The following IMMP2L variants were observed in gnomAD, a reference collection of about 807,000 sequenced individuals.
IMMP2L encodes the protein inner mitochondrial membrane peptidase subunit 2, also known as mitochondrial inner membrane protease subunit 2.
Under a neutral mutation model 19.3 loss-of-function variants are expected in IMMP2L, and 18 were observed. That is an observed-to-expected ratio of 0.93 (90% confidence interval 0.64 to 1.38). The LOEUF (loss-of-function observed/expected upper bound fraction) is 1.38, where lower values mean the gene tolerates loss of function less well. Ranked by LOEUF, IMMP2L falls within the 40% of genes most tolerant of loss-of-function variation. IMMP2L has a pLI of 0.00. For synonymous variants in IMMP2L, 76 were observed against 73.0 expected (o/e 1.04, Z -0.21); for missense variants, 233 against 218.2 (o/e 1.07, Z -0.43).
chr7:111,233,383 G>C (rs1343700239), intron 3 of IMMP2L, among the ~76,000 whole-genome samples: 1 of 151,914 alleles, frequency 6.6e-6, no homozygotes, highest in East Asian at 1.9e-4. Flanking sequence ...AATAATGTAA[G>C]GTTCAAAATA....
At chr7:110,819,358 C>T (rs561064884) in intron 5 of IMMP2L, among the ~76,000 whole-genome samples, 55 of 151,870 alleles carry the variant, frequency 3.6e-4, no homozygotes, top group Non-Finnish European at 6.0e-4. Context: ...CAAGCAGTTT[C>T]TATATGATAT....
chr7:110,847,479 G>T (rs1474792247), intron 5 of IMMP2L, among the ~76,000 whole-genome samples: 7 of 152,116 alleles, frequency 4.6e-5, no homozygotes, highest in Admixed American at 2.6e-4. Flanking sequence ...GCATTACTTT[G>T]TCTAGCTAAT....
intron 5 of IMMP2L, among the ~76,000 whole-genome samples, chr7:110,849,245 G>C (rs1051381208): frequency 6.6e-6 from 1 of 151,998 alleles, no homozygotes; most frequent in Non-Finnish European, 1.5e-5. Flanking sequence ...TAAAAATATA[G>C]TTTACTAATT....
In IMMP2L at chr7:110,938,292, C is replaced by T. The variant is rs115184131; in HGVS notation, c.305+25208G>A. 3.0e-3 allele frequency among the ~76,000 whole-genome samples: 462 copies of T among 152,128 alleles called. 1 individual carries two copies. The highest frequency in any genetic ancestry group is 0.01 in the African/African-American group (422 of 41,496). On this transcript the variant is annotated intron_variant, in intron 4 of 5. Coordinates refer to ENST00000405709, the MANE Select transcript of IMMP2L (RefSeq NM_032549.4). ...GGAGGGAGGGGTATCAAACAATGTC[C>T]GCAAATGCCTCCTGGCTGAGAAATT...
intron 5 of IMMP2L, among the ~76,000 whole-genome samples, chr7:110,715,286 G>A (rs984116664): frequency 4.6e-5 from 7 of 151,886 alleles, no homozygotes; most frequent in Non-Finnish European, 7.4e-5. Flanking sequence ...GCTGATTTTA[G>A]TTATTTCTTT....
At chr7:110,976,396 T>C (rs1189174952) in intron 3 of IMMP2L, among the ~76,000 whole-genome samples, 1 of 152,080 alleles carries the variant, frequency 6.6e-6, no homozygotes, top group Admixed American at 6.6e-5. Flanking sequence ...TCTTCAAGAC[T>C]CACCCATGTT....
chr7:110,968,662 G>C (rs892744860), intron 3 of IMMP2L, among the ~76,000 whole-genome samples: 1 of 152,072 alleles, frequency 6.6e-6, no homozygotes, highest in Non-Finnish European at 1.5e-5. Context: ...AACAGAGTGA[G>C]ACCTTGTCTC....
intron 5 of IMMP2L, among the ~76,000 whole-genome samples, chr7:110,809,153 G>C (rs1427156516): frequency 6.6e-6 from 1 of 151,962 alleles, no homozygotes; most frequent in Non-Finnish European, 1.5e-5. Context: ...GAGCCTGGTT[G>C]GTGGGCAGGC....
intron 3 of IMMP2L, among the ~76,000 whole-genome samples, chr7:111,190,606 C>T (rs1460760521): frequency 6.6e-6 from 1 of 151,980 alleles, no homozygotes; most frequent in Non-Finnish European, 1.5e-5. Flanking sequence ...ACACTTAGGT[C>T]GAAATCCATT....
intron 3 of IMMP2L, among the ~76,000 whole-genome samples, chr7:111,325,339 A>G (rs772665485): frequency 7.3e-5 from 11 of 151,692 alleles, no homozygotes; most frequent in Admixed American, 4.6e-4. Flanking sequence ...TATAAATAAT[A>G]ACAGTATTTG....
chr7:111,212,962 C>T (rs1410037388), intron 3 of IMMP2L, among the ~76,000 whole-genome samples: 1 of 152,174 alleles, frequency 6.6e-6, no homozygotes, highest in East Asian at 1.9e-4. Context: ...GCTGCCATGA[C>T]ACCAGCTTCA....
Position 110,963,550 on chromosome 7 carries a change from T to C in IMMP2L, c.255A>G (p.Pro85=), listed in dbSNP as rs1402415908. Residue 85 remains proline, a synonymous_variant, in exon 4 of 6, where the codon CCA becomes CCG. Coordinates refer to ENST00000405709, the MANE Select transcript of IMMP2L (RefSeq NM_032549.4). Reference sequence around the variant, plus strand: ...TCACTCTCTTAATGATCTTCTGTTCTGGGTTTTTAGGAGACCTAGAACAAG... The same window carrying C: ...TCACTCTCTTAATGATCTTCTGTTCCGGGTTTTTAGGAGACCTAGAACAAG... ...DIVSLVSPKN[P]EQKIIKRVIA... is the part of the protein sequence containing the mutation. The C allele has an allele frequency of 6.3e-7, 1 of 1,599,536 alleles. No individual in the cohort carries two copies. Among genetic ancestry groups the C allele is most frequent in the East Asian group, 2.2e-5 (1 of 44,546 alleles).
At chr7:111,275,805 G>A (rs747031315) in intron 3 of IMMP2L, among the ~76,000 whole-genome samples, 1 of 152,010 alleles carries the variant, frequency 6.6e-6, no homozygotes, top group African/African-American at 2.4e-5. Context: ...AATAGCTATT[G>A]TAAATGGGAT....
chr7:110,928,665 C>A (rs1044693652), intron 4 of IMMP2L, among the ~76,000 whole-genome samples: 3 of 151,976 alleles, frequency 2.0e-5, no homozygotes, highest in Admixed American at 1.3e-4. Context: ...CCAGCACATG[C>A]CTTTTGGAGA....
intron 3 of IMMP2L, among the ~76,000 whole-genome samples, chr7:111,127,056 A>G (rs1801384963): frequency 6.6e-6 from 1 of 152,226 alleles, no homozygotes; most frequent in African/African-American, 2.4e-5. Context: ...TCTTAAAACA[A>G]GAGGGTAAAT....
intron 5 of IMMP2L, among the ~76,000 whole-genome samples, chr7:110,700,928 A>G (rs1794241886): frequency 6.6e-6 from 1 of 152,180 alleles, no homozygotes; most frequent in Non-Finnish European, 1.5e-5. Context: ...TATAACATCA[A>G]ATGAATATTT....
chr7:111,125,666 T>G (rs1284831441), intron 3 of IMMP2L, among the ~76,000 whole-genome samples: 3 of 152,072 alleles, frequency 2.0e-5, no homozygotes, highest in Non-Finnish European at 4.4e-5. Flanking sequence ...TGACAGAAAC[T>G]CTAGGAAATT....
At chr7:111,027,949 G>C (rs903991759) in intron 3 of IMMP2L, among the ~76,000 whole-genome samples, 7 of 151,986 alleles carry the variant, frequency 4.6e-5, no homozygotes, top group African/African-American at 1.7e-4. Context: ...CCTGAAAAAT[G>C]AAAGGCAAAA....
At chr7:111,494,014 G>A (rs1473337395) in intron 2 of IMMP2L, among the ~76,000 whole-genome samples, 1 of 151,970 alleles carries the variant, frequency 6.6e-6, no homozygotes, top group Non-Finnish European at 1.5e-5. Flanking sequence ...AAAAAATATA[G>A]AGCAAGCAAT....
Sources: allele counts gnomAD v4.1 joint callset (sites outside exome capture counted in the v4.1 genomes callset), GRCh38; gene constraint gnomAD v4.1.1; transcripts MANE v1.5; gene names NCBI Gene and HGNC (gene_info 2026-07-23, HGNC 2026-07-21).